The following LRRC74A variants were observed in gnomAD, a reference collection of about 807,000 sequenced individuals.
The protein encoded by LRRC74A is leucine-rich repeat-containing protein 74A.
LRRC74A carries 44 observed loss-of-function variants against 57.9 expected under a neutral mutation model. That is an observed-to-expected ratio of 0.76 (90% CI 0.60 to 0.98). The LOEUF (loss-of-function observed/expected upper bound fraction) is 0.98. Among genes scored for constraint, LRRC74A ranks in the 50% least tolerant of loss-of-function variants. The pLI is 0.00. For synonymous variants in LRRC74A, 211 were observed against 219.4 expected, an observed-to-expected ratio of 0.96 and a Z score of 0.34; for missense variants, 572 against 574.0, an observed-to-expected ratio of 1.00 and a Z score of 0.04.
intron 3 of LRRC74A, among the ~76,000 whole-genome samples, chr14:76,834,035 G>GGAATA (rs1230473400): frequency 6.6e-6 from 1 of 152,134 alleles, no homozygotes; most frequent in African/African-American, 2.4e-5. Context: ...GCCCCCACTT[G>GGAATA]GCATTGAATG....
chr14:76,833,397 T>G (rs1896100365), intron 3 of LRRC74A, among the ~76,000 whole-genome samples: 1 of 151,960 alleles, frequency 6.6e-6, no homozygotes, highest in Non-Finnish European at 1.5e-5. Context: ...TAAGGTATTT[T>G]GAGAGAGAAC....
At chr14:76,867,870 A>T (rs1899072254) in intron 13 of LRRC74A, among the ~76,000 whole-genome samples, 1 of 152,212 alleles carries the variant, frequency 6.6e-6, no homozygotes, top group African/African-American at 2.4e-5. Flanking sequence ...AGACCTAGAC[A>T]GAGGGCGGAG....
chr14:76,844,896 T>A lies in LRRC74A; in HGVS notation c.671T>A (p.Met224Lys). ...SDVGGEHLGQ[M>K]LAINVGLTSL... The stretch of plus-strand genomic sequence containing the variant: ...GTAGGAGGGGAGCACCTGGGCCAGA[T>A]GCTGGGTGAGTCTCCCTGGAGGAAG... The change falls in exon 7 of 14, where the codon ATG becomes AAG. Residue 224 changes from methionine (M) to lysine (K), a missense_variant. By Grantham distance (95) the Met-to-Lys change is moderately conservative (BLOSUM62 -1). Coordinates refer to ENST00000689127, the MANE Select transcript of LRRC74A (RefSeq NM_001385106.1). 1 of 1,555,390 alleles carries A rather than the reference T, an allele frequency of 6.4e-7. No homozygotes were observed. The highest frequency in any genetic ancestry group is 1.7e-5 in the Admixed American group (1 of 59,888).
chr14:76,860,953 T>C (rs1898256637), intron 11 of LRRC74A, 114 bp downstream of exon 11: 6 of 983,948 alleles, frequency 6.1e-6, no homozygotes, highest in Non-Finnish European at 7.3e-6. Flanking sequence ...CAACCCTCTC[T>C]GATAAGGAAT....
intron 11 of LRRC74A, among the ~76,000 whole-genome samples, chr14:76,864,013 G>A (rs145298508): frequency 6.4e-4 from 98 of 152,370 alleles, no homozygotes; most frequent in African/African-American, 2.3e-3. Context: ...CCAGCTGCAA[G>A]GGGACTTGGG....
intron 7 of LRRC74A, among the ~76,000 whole-genome samples, chr14:76,850,296 C>T (rs929846252): frequency 1.3e-5 from 2 of 152,136 alleles, no homozygotes; most frequent in African/African-American, 4.8e-5. Flanking sequence ...AAGTAACCTG[C>T]CTGGGATCAC....
Position 76,844,726 on chromosome 14 carries a change from A to G in LRRC74A, c.595-94A>G, listed in dbSNP as rs1329539335. On this transcript the variant is annotated intron_variant, in intron 6 of 13. Coordinates refer to ENST00000689127, the MANE Select transcript of LRRC74A (RefSeq NM_001385106.1). ...ATTGTCTTCACCTAATTTTTGGTAC[A>G]TCAGAGCCCCACCATCATACTGCCC... 1.8e-5 allele frequency: 14 copies of G among 759,766 alleles called. 1 individual carries two copies. In the South Asian group the frequency reaches 2.0e-4, roughly 11 times the overall value. The allele number at this position is 759,766 out of a possible 1,614,324, so 47.1% of individuals were successfully genotyped here. A position where few individuals can be genotyped will look rare whatever the true frequency, so the allele number is the denominator to read the frequency against.
chr14:76,853,456 T>TGTGTGTGTGTGG, intron 9 of LRRC74A, 46 bp downstream of exon 9: 2 of 1,463,874 alleles, frequency 1.4e-6, no homozygotes, highest in South Asian at 2.5e-5. Context: ...TGTGTGTGTG[T>TGTGTGTGTGTGG]GTGTGTTTGT....
At chr14:76,838,039 A>C in intron 5 of LRRC74A, 68 bp downstream of exon 5, 1 of 1,044,178 alleles carries the variant, frequency 9.6e-7, no homozygotes, top group Non-Finnish European at 1.4e-6. Flanking sequence ...AAAAACAGAG[A>C]ATTCAATGTC....
chr14:76,832,506 C>G (rs1896040190), intron 3 of LRRC74A, among the ~76,000 whole-genome samples: 1 of 152,210 alleles, frequency 6.6e-6, no homozygotes, highest in Non-Finnish European at 1.5e-5. Flanking sequence ...AGGAGTCTTG[C>G]TATGTTGCCC....
intron 3 of LRRC74A, among the ~76,000 whole-genome samples, chr14:76,831,946 A>G (rs1355046193): frequency 6.6e-6 from 1 of 152,218 alleles, no homozygotes; most frequent in Non-Finnish European, 1.5e-5. Flanking sequence ...TGATTTACAC[A>G]CAAAACTGAC....
At chr14:76,867,191 G>A (rs1415099701) in intron 12 of LRRC74A, among the ~76,000 whole-genome samples, 165 bp from the exon 13 acceptor site, 10 of 53,818 alleles carry the variant, frequency 1.9e-4, no homozygotes, top group Non-Finnish European at 3.8e-4. Flanking sequence ...GTGGGGGAGT[G>A]TGTGTGTTGG....
chr14:76,848,821 T>C (rs1172602736), intron 7 of LRRC74A, among the ~76,000 whole-genome samples: 2 of 152,102 alleles, frequency 1.3e-5, no homozygotes, highest in Admixed American at 6.6e-5. Flanking sequence ...AGAACAAAAG[T>C]GCGGAGCTCG....
In LRRC74A at chr14:76,867,391, G is replaced by A; in HGVS notation, c.1344G>A (p.Arg448=). ...TCCCCCTGAACCAGTACCAGGTCAG[G>A]GAGGTGATAAAGAAGCTCGATGAGA... ...NKVPLNQYQV[R]EVIKKLDEKT... is the part of the protein sequence containing the mutation. Residue 448 remains arginine (R), a synonymous_variant, in exon 13 of 14, where the codon AGG becomes AGA. Coordinates refer to ENST00000689127, the MANE Select transcript of LRRC74A (RefSeq NM_001385106.1). The A allele has an allele frequency of 1.9e-6, 3 of 1,601,898 alleles. No individual in the cohort carries two copies. The highest frequency in any genetic ancestry group is 2.6e-6 in the Non-Finnish European group (3 of 1,170,056).
At chr14:76,868,576 G>A (rs1455910237) in intron 13 of LRRC74A, among the ~76,000 whole-genome samples, 4 of 152,182 alleles carry the variant, frequency 2.6e-5, no homozygotes, top group Non-Finnish European at 5.9e-5. Context: ...CTCTCACTGC[G>A]TTAGACCTCC....
chr14:76,862,918 G>A (rs1266595616), intron 11 of LRRC74A, among the ~76,000 whole-genome samples: 1 of 152,190 alleles, frequency 6.6e-6, no homozygotes, highest in Non-Finnish European at 1.5e-5. Flanking sequence ...TCGGGAACAG[G>A]GGGCCGGTGA....
chr14:76,855,913 C>T (rs1038779618), intron 9 of LRRC74A, among the ~76,000 whole-genome samples: 2 of 152,180 alleles, frequency 1.3e-5, no homozygotes, highest in Non-Finnish European at 2.9e-5. Context: ...CTCAGAGCAG[C>T]CATAGGTGAT....
intron 7 of LRRC74A, among the ~76,000 whole-genome samples, chr14:76,847,311 C>T (rs1897171225): frequency 6.6e-6 from 1 of 152,020 alleles, no homozygotes; most frequent in African/African-American, 2.4e-5. Flanking sequence ...CAGTAGTAGA[C>T]TGGATTAAAA....
At chr14:76,864,734 A>T (rs763244295) in intron 11 of LRRC74A, among the ~76,000 whole-genome samples, 1 of 152,146 alleles carries the variant, frequency 6.6e-6, no homozygotes, top group Non-Finnish European at 1.5e-5. Context: ...CATGCCTGTA[A>T]TCCCAGCTAC....
Sources: gnomAD v4.1 joint callset for allele counts (sites outside exome capture counted in the v4.1 genomes callset) on GRCh38, gnomAD v4.1.1 for gene constraint, MANE v1.5 for transcripts, NCBI Gene and HGNC (gene_info 2026-07-23, HGNC 2026-07-21) for gene names.